PRR16: variants seen among roughly 807,000 people sequenced by gnomAD.
PRR16 encodes the protein proline rich 16, also known as protein Largen.
In PRR16, 6 loss-of-function variants were observed where a neutral mutation model predicts 18.2. The ratio of observed to expected loss-of-function variants is 0.33; its 90% CI spans 0.18 to 0.65. The LOEUF is 0.65. PRR16 is among the 30% of genes least tolerant of loss of function. The pLI, the probability that PRR16 is intolerant of heterozygous loss-of-function variation, is 0.74. For synonymous variants in PRR16, 151 were observed against 147.8 expected (o/e 1.02, Z -0.16); for missense variants, 412 against 376.6 (o/e 1.09, Z -0.78).
At position 120,464,566 on chromosome 5, in the gene PRR16, A is replaced by T; in HGVS notation, c.80A>T (p.Lys27Met). 1.3e-6 allele frequency: 2 copies of T among 1,590,044 alleles called. No homozygotes were observed. Among genetic ancestry groups the T allele is most frequent in the Non-Finnish European group, 1.7e-6 (2 of 1,176,212 alleles). ...GPPAASKTKV[K>M]EQIKIIVEDL... ...CCGGCAGCCTCCAAAACCAAGGTGA[A>T]GGAACAGATCAAGATCATCGTGGAG... Residue 27 changes from lysine (K) to methionine (M), a missense_variant, in exon 1 of 2, where the codon AAG becomes ATG. By Grantham distance (95) the Lys-to-Met change is moderately conservative. Coordinates refer to ENST00000407149, the MANE Select transcript of PRR16 (RefSeq NM_001300783.2).
the PRR16 span, among the ~76,000 whole-genome samples, chr5:120,786,093 T>G: frequency 6.6e-6 from 1 of 151,670 alleles, no homozygotes; most frequent in Non-Finnish European, 1.5e-5. Context: ...CTTTTGTTTT[T>G]TTTTTTTGGT....
chr5:120,597,827 C>T (rs1344691959), intron 1 of PRR16, among the ~76,000 whole-genome samples: 1 of 151,756 alleles, frequency 6.6e-6, no homozygotes, highest in Admixed American at 6.6e-5. Flanking sequence ...TATTTTTCTC[C>T]CTTTGCCTTT....
At chr5:120,638,259 A>G (rs1331110734) in intron 1 of PRR16, among the ~76,000 whole-genome samples, 1 of 152,114 alleles carries the variant, frequency 6.6e-6, no homozygotes, top group Non-Finnish European at 1.5e-5. Flanking sequence ...TTCAGATTTC[A>G]TATTTTTAGA....
At chr5:120,793,933 A>C in the PRR16 span, among the ~76,000 whole-genome samples, 1 of 152,106 alleles carries the variant, frequency 6.6e-6, no homozygotes, top group African/African-American at 2.4e-5. Flanking sequence ...AACATACCTA[A>C]ACATAGAAAA....
intron 1 of PRR16, among the ~76,000 whole-genome samples, chr5:120,550,958 T>TAGCAAATATCA (rs1469652030): frequency 1.3e-5 from 2 of 152,024 alleles, no homozygotes; most frequent in Non-Finnish European, 1.5e-5. Context: ...AATGTGACGT[T>TAGCAAATATCA]CTGATACATG....
At chr5:120,770,149 C>T in the PRR16 span, among the ~76,000 whole-genome samples, 1,209 of 151,956 alleles carry the variant, frequency 8.0e-3, 16 homozygotes, top group African/African-American at 0.028. Flanking sequence ...ACAATCTTGA[C>T]AGAGAAGAAC....
chr5:120,571,063 G>A lies in PRR16; in HGVS notation c.159+106418G>A, dbSNP rs930173187. Among the ~76,000 whole-genome samples, 3 of 152,262 alleles carry A rather than the reference G, an allele frequency of 2.0e-5. No individual in the cohort carries two copies. The South Asian group carries it at 6.2e-4, about 32-fold the overall frequency. On this transcript the variant is annotated intron_variant, in intron 1 of 1. Coordinates refer to ENST00000407149, the MANE Select transcript of PRR16 (RefSeq NM_001300783.2). ...TGGTCATTGGAGTCTTCTCTTAGAA[G>A]ACGGCATTTGAGCAGAGGATGGAGG...
chr5:120,733,042 C>T, the PRR16 span, among the ~76,000 whole-genome samples: 1 of 152,144 alleles, frequency 6.6e-6, no homozygotes, highest in Non-Finnish European at 1.5e-5. Context: ...ACCTGAGTGG[C>T]CTCACCCAAC....
intron 1 of PRR16, among the ~76,000 whole-genome samples, chr5:120,652,483 A>G (rs1196777147): frequency 2.6e-5 from 4 of 151,660 alleles, no homozygotes; most frequent in African/African-American, 9.7e-5. Context: ...GCTTAATATC[A>G]ATGTAATAAA....
At chr5:120,559,077 T>A (rs1459975157) in intron 1 of PRR16, among the ~76,000 whole-genome samples, 2 of 152,016 alleles carry the variant, frequency 1.3e-5, no homozygotes, top group Non-Finnish European at 2.9e-5. Context: ...AAATATTTTC[T>A]CCCCTTCTAT....
chr5:120,565,143 G>C (rs549735238), intron 1 of PRR16, among the ~76,000 whole-genome samples: 2 of 152,106 alleles, frequency 1.3e-5, no homozygotes, highest in South Asian at 2.1e-4. Context: ...GTCTTGCTCT[G>C]CCCTCCTTCT....
chr5:120,709,932 A>G, the PRR16 span, among the ~76,000 whole-genome samples: 2 of 152,204 alleles, frequency 1.3e-5, no homozygotes, highest in Non-Finnish European at 2.9e-5. Context: ...GAACTGCAAT[A>G]AACAGGAGCA....
At chr5:120,780,821 C>CG in the PRR16 span, among the ~76,000 whole-genome samples, 2 of 152,072 alleles carry the variant, frequency 1.3e-5, no homozygotes, top group South Asian at 4.1e-4. Flanking sequence ...GAGGCCGAGG[C>CG]GGGGGGAATC....
At chr5:120,748,709 T>C in the PRR16 span, among the ~76,000 whole-genome samples, 1 of 151,966 alleles carries the variant, frequency 6.6e-6, no homozygotes, top group African/African-American at 2.4e-5. Flanking sequence ...AGGTAACATG[T>C]CAGGCAGATA....
the PRR16 span, among the ~76,000 whole-genome samples, chr5:120,703,903 C>A: frequency 6.6e-6 from 1 of 152,118 alleles, no homozygotes; most frequent in Non-Finnish European, 1.5e-5. Flanking sequence ...TAATATACCC[C>A]AATTCTTTGT....
intron 1 of PRR16, among the ~76,000 whole-genome samples, chr5:120,665,907 G>A (rs1217461161): frequency 3.3e-5 from 5 of 152,096 alleles, no homozygotes; most frequent in Non-Finnish European, 7.4e-5. Context: ...CTCCAGCTTT[G>A]TTCTTTTGGC....
intron 1 of PRR16, among the ~76,000 whole-genome samples, chr5:120,469,937 A>G (rs1036694611): frequency 6.6e-6 from 1 of 152,184 alleles, no homozygotes; most frequent in African/African-American, 2.4e-5. Context: ...TTAAAGTAAT[A>G]GATAGTGTGT....
At chr5:120,648,824 G>A (rs1463911277) in intron 1 of PRR16, among the ~76,000 whole-genome samples, 2 of 152,024 alleles carry the variant, frequency 1.3e-5, no homozygotes, top group Non-Finnish European at 2.9e-5. Flanking sequence ...GTACTCCCAT[G>A]GTAGCTTATT....
intron 1 of PRR16, among the ~76,000 whole-genome samples, chr5:120,628,263 A>C (rs550746919): frequency 5.9e-5 from 9 of 152,224 alleles, no homozygotes; most frequent in Non-Finnish European, 1.0e-4. Context: ...AGCAATATGC[A>C]TGGGAACTAT....
Sources: allele counts gnomAD v4.1 joint callset (sites outside exome capture counted in the v4.1 genomes callset), GRCh38; gene constraint gnomAD v4.1.1; transcripts MANE v1.5; gene names NCBI Gene and HGNC (gene_info 2026-07-23, HGNC 2026-07-21).